The following LRRC40 variants were observed in gnomAD, a reference collection of about 807,000 sequenced individuals.
LRRC40 encodes the protein leucine rich repeat containing 40.
A neutral mutation model predicts 72.8 loss-of-function variants in LRRC40; 76 were observed. The observed-to-expected ratio is 1.04, with a 90% CI of 0.87 to 1.26. The LOEUF (loss-of-function observed/expected upper bound fraction) is 1.26, where lower values mean the gene tolerates loss of function less well. Among genes scored for constraint, LRRC40 ranks in the 50% most tolerant of loss-of-function variants. The pLI is 0.00. For missense variants in LRRC40, 684 were observed against 698.9 expected, an observed-to-expected ratio of 0.98 and a Z score of 0.24; for synonymous variants, 243 against 254.2, an observed-to-expected ratio of 0.96 and a Z score of 0.42.
chr1:70,168,538 G>A lies in LRRC40; in HGVS notation c.1111+4927C>T, dbSNP rs115618721. Among the ~76,000 whole-genome samples, 739 of 152,322 alleles carry A rather than the reference G, an allele frequency of 4.9e-3. 3 individuals are homozygous for A. The highest frequency in any genetic ancestry group is 0.014 in the Middle Eastern group (4 of 294). ...AAAACAGTTCCTAATCTCTTCCCAA[G>A]GGAACTGACTTCACTCACAACAAAG... On this transcript the variant is annotated intron_variant, in intron 9 of 14. Transcript: ENST00000370952.
At chr1:70,182,937 T>C (rs934132545) in intron 4 of LRRC40, among the ~76,000 whole-genome samples, 1 of 152,156 alleles carries the variant, frequency 6.6e-6, no homozygotes, top group South Asian at 2.1e-4. Context: ...TTATTTATTT[T>C]AAATTTTCCT....
chr1:70,153,175 A>C (rs678418), intron 11 of LRRC40, among the ~76,000 whole-genome samples: 27,455 of 152,060 alleles, frequency 0.18, 2,874 homozygotes, highest in Non-Finnish European at 0.23. Flanking sequence ...AGCTTGGCCA[A>C]CATGGTGAAA....
chr1:70,194,884 GAA>G (rs1668576189), intron 1 of LRRC40, among the ~76,000 whole-genome samples: 1 of 151,940 alleles, frequency 6.6e-6, no homozygotes, highest in Non-Finnish European at 1.5e-5. Context: ...TAGGTCAATG[GAA>G]AAAGAGTTCA....
At chr1:70,151,088 A>G (rs200366691) in intron 13 of LRRC40, 40 bp downstream of exon 13, 1 of 1,172,384 alleles carries the variant, frequency 8.5e-7, no homozygotes, top group East Asian at 2.4e-5. Flanking sequence ...AGATCTACAT[A>G]TTTCCACAGA....
At position 70,189,157 on chromosome 1, in the gene LRRC40, A is replaced by T; in HGVS notation, c.268T>A (p.Ser90Thr). ...EQTDLTKLII[S>T]NNKLQSLTDD... The stretch of plus-strand genomic sequence containing the variant: ...GTAAGTGACTGAAGTTTATTGTTTG[A>T]TATTATTAGTTTGGTCAAATCTGTC... Residue 90 changes from serine (S) to threonine (T), a missense_variant, in exon 2 of 15, where the codon TCA becomes ACA. Physicochemically the swap from Ser to Thr is moderately conservative, Grantham distance 58 (BLOSUM62 1). Transcript: ENST00000370952. 6.2e-7 allele frequency: 1 copy of T among 1,613,928 alleles called. No individual in the cohort carries two copies. The highest frequency in any genetic ancestry group is 1.1e-5 in the South Asian group (1 of 91,076).
intron 6 of LRRC40, among the ~76,000 whole-genome samples, chr1:70,177,074 G>A (rs562196620): frequency 4.2e-4 from 64 of 152,048 alleles, no homozygotes; most frequent in Non-Finnish European, 6.3e-4. Flanking sequence ...TCAGGAGTTC[G>A]AGACCAGCCT....
At chr1:70,155,604 C>T (rs1195537729) in intron 11 of LRRC40, 85 bp downstream of exon 11, 8 of 529,692 alleles carry the variant, frequency 1.5e-5, no homozygotes, top group Non-Finnish European at 2.2e-5. Context: ...ATTTAAAAAC[C>T]AATATGGAAA....
chr1:70,150,990 A>G (rs1413410851), intron 13 of LRRC40, 138 bp downstream of exon 13: 7 of 535,160 alleles, frequency 1.3e-5, no homozygotes, highest in African/African-American at 2.0e-5. Flanking sequence ...TAACTCTAAG[A>G]AGAACTAAGT....
chr1:70,154,630 T>C (rs761946167), intron 11 of LRRC40, among the ~76,000 whole-genome samples: 10 of 152,158 alleles, frequency 6.6e-5, no homozygotes, highest in Non-Finnish European at 8.8e-5. Context: ...CTCTGAGAAA[T>C]AGAAAGCAAA....
chr1:70,186,562 C>T (rs981398692), intron 3 of LRRC40, among the ~76,000 whole-genome samples: 1 of 152,118 alleles, frequency 6.6e-6, no homozygotes, highest in African/African-American at 2.4e-5. Context: ...AGATCTGTAA[C>T]CGTATCTATT....
Position 70,160,883 on chromosome 1 carries a change from G to A in LRRC40, c.1112-1445C>T, listed in dbSNP as rs953979506. 1.0e-4 allele frequency among the ~76,000 whole-genome samples: 15 copies of A among 150,726 alleles called. No individual in the cohort carries two copies. The East Asian group carries it at 2.7e-3, about 27-fold the overall frequency. The stretch of plus-strand genomic sequence containing the variant: ...AAAACATCAAAATTTCAAATTGAAA[G>A]GGCCATGTAAGTGCCAAACACAATA... On this transcript the variant is annotated intron_variant, in intron 9 of 14. Transcript: ENST00000370952.
chr1:70,172,579 G>T (rs1312428943), intron 9 of LRRC40, among the ~76,000 whole-genome samples: 1 of 152,104 alleles, frequency 6.6e-6, no homozygotes, highest in South Asian at 2.1e-4. Context: ...AGTCTGACAT[G>T]ACCTCTAACT....
intron 5 of LRRC40, among the ~76,000 whole-genome samples, chr1:70,179,481 C>T (rs923766604): frequency 2.6e-5 from 4 of 151,934 alleles, no homozygotes; most frequent in African/African-American, 7.3e-5. Flanking sequence ...AACAACAGTC[C>T]CGGTCATTTT....
intron 2 of LRRC40, among the ~76,000 whole-genome samples, chr1:70,188,767 TTC>T (rs1331102280): frequency 6.6e-6 from 1 of 152,186 alleles, no homozygotes; most frequent in Non-Finnish European, 1.5e-5. Context: ...TGAATATTGA[TTC>T]TGTCTGTATT....
intron 12 of LRRC40, chr1:70,152,060 T>C (rs1456831719): frequency 5.9e-6 from 1 of 169,420 alleles, no homozygotes; most frequent in Non-Finnish European, 1.2e-5. Flanking sequence ...ATTGTCTGCA[T>C]TAAGTTGTGT....
chr1:70,185,319 T>C (rs558126329), intron 3 of LRRC40, among the ~76,000 whole-genome samples: 2 of 152,356 alleles, frequency 1.3e-5, no homozygotes, highest in African/African-American at 4.8e-5. Context: ...TCCCACATGT[T>C]GTGTGAGGAA....
In LRRC40 at chr1:70,148,673, C is replaced by T. The variant is rs1667380670; in HGVS notation, c.1518-1G>A. 2.5e-6 allele frequency: 4 copies of T among 1,588,720 alleles called. No individual in the cohort carries two copies. The highest frequency in any genetic ancestry group is 3.4e-6 in the Non-Finnish European group (4 of 1,160,124). On this transcript the variant is annotated splice_acceptor_variant, in intron 13 of 14. Transcript: ENST00000370952. LOFTEE classifies it high-confidence loss of function. ...TAGAACTTCAGGTAGCATTTTAAAC[C>T]TATTAATACATGAACAGAACACCTA...
intron 9 of LRRC40, among the ~76,000 whole-genome samples, chr1:70,161,242 G>A (rs541935249): frequency 6.7e-4 from 101 of 151,518 alleles, no homozygotes; most frequent in Middle Eastern, 3.4e-3. Flanking sequence ...CCGCCACCAC[G>A]CCCAGCTAAT....
intron 7 of LRRC40, among the ~76,000 whole-genome samples, chr1:70,174,717 C>A (rs1012611395): frequency 1.4e-4 from 21 of 151,982 alleles, no homozygotes; most frequent in Admixed American, 4.6e-4. Context: ...ATGTGACATT[C>A]TAAAAAGGAC....
Sources: gnomAD v4.1 joint callset for allele counts (sites outside exome capture counted in the v4.1 genomes callset) on GRCh38, gnomAD v4.1.1 for gene constraint, MANE v1.5 for transcripts, NCBI Gene and HGNC (gene_info 2026-07-23, HGNC 2026-07-21) for gene names.